TXNDC12: variants seen among roughly 807,000 people sequenced by gnomAD.
The protein encoded by TXNDC12 is thioredoxin domain containing 12, also known as thioredoxin domain-containing protein 12.
Under a neutral mutation model 24.2 loss-of-function variants are expected in TXNDC12, and 22 were observed. The ratio of observed to expected loss-of-function variants is 0.91; its 90% confidence interval spans 0.65 to 1.30. The LOEUF (loss-of-function observed/expected upper bound fraction) is 1.30, where lower values mean the gene tolerates loss of function less well. Ranked by LOEUF, TXNDC12 falls within the 50% of genes most tolerant of loss-of-function variation. The probability of loss-of-function intolerance (pLI) is 0.00; values close to 1 mark genes in which losing one functional copy is unlikely to be tolerated. For synonymous variants in TXNDC12, 58 were observed against 73.4 expected, an observed-to-expected ratio of 0.79 and a Z score of 1.07; for missense variants, 184 against 205.8, an observed-to-expected ratio of 0.89 and a Z score of 0.65.
intron 1 of TXNDC12, chr1:52,052,352 T>C (rs1271476173): frequency 5.4e-5 from 9 of 167,308 alleles, no homozygotes; most frequent in South Asian, 4.1e-4. Flanking sequence ...ATACCTCCCA[T>C]TGGGGGTGAG....
chr1:52,055,475 C>G (rs979038334), upstream of TXNDC12: 11 of 228,772 alleles, frequency 4.8e-5, no homozygotes, highest in African/African-American at 1.1e-4. Flanking sequence ...GCCCCTCCCC[C>G]CAAGAACCGC....
chr1:52,029,597 T>G (rs560003088), intron 2 of TXNDC12, among the ~76,000 whole-genome samples: 1 of 152,340 alleles, frequency 6.6e-6, no homozygotes, highest in Non-Finnish European at 1.5e-5. Flanking sequence ...CATATTGATC[T>G]GTACCTATTA....
rs2124353778 is a variant in TXNDC12 at position 52,020,443 on chromosome 1, C to T, written c.*490G>A. 3.9e-6 allele frequency: 1 copy of T among 256,258 alleles called. No homozygotes were observed. The highest frequency in any genetic ancestry group is 2.2e-5 in the African/African-American group (1 of 45,110). The allele number at this position is 256,258 out of a possible 1,614,324, so 15.9% of individuals were successfully genotyped here. A position where few individuals can be genotyped will look rare whatever the true frequency, so the allele number is the denominator to read the frequency against. On this transcript the variant is annotated 3_prime_UTR_variant, in exon 7 of 7. Coordinates refer to ENST00000371626, the MANE Select transcript of TXNDC12 (RefSeq NM_015913.4). ...AAAAAGGGAAAAAACAGGCTGATATCCTTGGTAGGGGGTAGAATAACTGAT... is the reference window on the plus strand; with the variant it reads ...AAAAAGGGAAAAAACAGGCTGATATTCTTGGTAGGGGGTAGAATAACTGAT...
intron 3 of TXNDC12, 31 bp downstream of exon 3, chr1:52,028,547 T>A (rs1685707007): frequency 6.3e-7 from 1 of 1,585,878 alleles, no homozygotes; most frequent in Non-Finnish European, 8.6e-7. Flanking sequence ...CACATCTGAG[T>A]TTTGAATTTA....
At chr1:52,033,601 C>A in intron 2 of TXNDC12, 2 of 1,613,098 alleles carry the variant, frequency 1.2e-6, no homozygotes, top group Non-Finnish European at 1.7e-6. Flanking sequence ...TGCCTTCTCA[C>A]GGGCAGAATC....
chr1:52,055,229 A>T (rs1686316173), upstream of TXNDC12: 3 of 655,938 alleles, frequency 4.6e-6, no homozygotes, highest in Non-Finnish European at 8.2e-6. Flanking sequence ...CAAACTCTGA[A>T]GGAAGTGATG....
rs553003543 is a variant in TXNDC12, at chr1:52,048,282, T to C, written c.98-6685A>G. Among the ~76,000 whole-genome samples, 224 of 151,900 alleles carry C rather than the reference T, an allele frequency of 1.5e-3. 1 individual carries two copies. Among genetic ancestry groups the C allele is most frequent in the African/African-American group, 1.9e-3 (77 of 41,442 alleles). ...AAGTTCGAGGCCAGTCTGGGCAACATAGAGAAACCTCACCTCTACAAAAAA... is the reference window on the plus strand; with the variant it reads ...AAGTTCGAGGCCAGTCTGGGCAACACAGAGAAACCTCACCTCTACAAAAAA... On this transcript the variant is annotated intron_variant, in intron 1 of 6. Coordinates refer to ENST00000371626, the MANE Select transcript of TXNDC12 (RefSeq NM_015913.4).
intron 1 of TXNDC12, among the ~76,000 whole-genome samples, chr1:52,042,572 T>C (rs975081156): frequency 4.6e-5 from 7 of 152,144 alleles, no homozygotes; most frequent in African/African-American, 1.4e-4. Context: ...GCGATTCTTT[T>C]GCCTCAGCCT....
intron 1 of TXNDC12, among the ~76,000 whole-genome samples, chr1:52,045,277 G>A (rs1686070697): frequency 6.6e-6 from 1 of 152,178 alleles, no homozygotes; most frequent in Admixed American, 6.5e-5. Context: ...TGGAGCTCAG[G>A]ATATTTTTGT....
intron 1 of TXNDC12, among the ~76,000 whole-genome samples, chr1:52,042,788 A>G (rs1459074561): frequency 5.9e-5 from 9 of 152,178 alleles, no homozygotes; most frequent in Non-Finnish European, 1.3e-4. Context: ...AAGCCTGGCT[A>G]ATTCTGTATT....
Position 52,027,274 on chromosome 1 carries a change from C to T in TXNDC12, c.285+1G>A, listed in dbSNP as rs1685684040. 6.2e-7 allele frequency: 1 copy of T among 1,607,370 alleles called. No homozygotes were observed. The highest frequency in any genetic ancestry group is 8.5e-7 in the Non-Finnish European group (1 of 1,174,506). On this transcript the variant is annotated splice_donor_variant, in intron 4 of 6. Coordinates refer to ENST00000371626, the MANE Select transcript of TXNDC12 (RefSeq NM_015913.4). LOFTEE classifies it high-confidence loss of function. Reference sequence around the variant, plus strand: ...GAAAGGAGAAACTCTCAAAGTCTTACCTCAAGATTTACCATAACAAAATTA... The same window carrying T: ...GAAAGGAGAAACTCTCAAAGTCTTATCTCAAGATTTACCATAACAAAATTA...
At position 52,020,450 on chromosome 1, in the gene TXNDC12, AGGG is replaced by A. The variant is rs1685576296; in HGVS notation, c.*480_*482del. The A allele has an allele frequency of 3.9e-6, 1 of 254,208 alleles. No individual in the cohort carries two copies. The highest frequency in any genetic ancestry group is 2.2e-5 in the African/African-American group (1 of 45,012). 15.7% of individuals were successfully genotyped at this position (254,208 alleles called of 1,614,324 possible). A position where few individuals can be genotyped will look rare whatever the true frequency, so the allele number is the denominator to read the frequency against. ...GAAAAAACAGGCTGATATCCTTGGT[AGGG>A]GGTAGAATAACTGATTTACACTTAG... On this transcript the variant is annotated 3_prime_UTR_variant, in exon 7 of 7. Transcript: ENST00000371626.
At chr1:52,045,932 G>A (rs1686082036) in intron 1 of TXNDC12, among the ~76,000 whole-genome samples, 1 of 152,142 alleles carries the variant, frequency 6.6e-6, no homozygotes, top group South Asian at 2.1e-4. Context: ...CACAGTTTGG[G>A]CTGTGGATGG....
chr1:52,031,946 C>A (rs369130106), intron 2 of TXNDC12, among the ~76,000 whole-genome samples: 1 of 152,132 alleles, frequency 6.6e-6, no homozygotes, highest in African/African-American at 2.4e-5. Context: ...AAAACAGTTA[C>A]GGAAATTGTC....
chr1:52,033,054 C>A (rs1557992966), intron 2 of TXNDC12: 1 of 1,594,058 alleles, frequency 6.3e-7, no homozygotes. Flanking sequence ...GCAACGGCTC[C>A]TCTAGGCCCA....
chr1:52,037,528 T>C (rs1685906969), intron 2 of TXNDC12, among the ~76,000 whole-genome samples: 1 of 152,092 alleles, frequency 6.6e-6, no homozygotes, highest in South Asian at 2.1e-4. Flanking sequence ...GACTTTTTAA[T>C]TTGCCTTTGG....
At chr1:52,042,281 G>GA (rs1557996891) in intron 1 of TXNDC12, among the ~76,000 whole-genome samples, 1 of 151,160 alleles carries the variant, frequency 6.6e-6, no homozygotes, top group South Asian at 2.1e-4. Context: ...GTTACTCCAG[G>GA]AAAAAAACAA....
At chr1:52,047,913 A>G (rs1223718076) in intron 1 of TXNDC12, among the ~76,000 whole-genome samples, 1 of 152,192 alleles carries the variant, frequency 6.6e-6, no homozygotes, top group Non-Finnish European at 1.5e-5. Flanking sequence ...AAGAGTTACT[A>G]CTAAAAGAAA....
intron 1 of TXNDC12, among the ~76,000 whole-genome samples, chr1:52,049,704 ATT>A (rs34937659): frequency 2.1e-5 from 3 of 143,718 alleles, no homozygotes; most frequent in Admixed American, 1.4e-4. Context: ...AAGCAATTGC[ATT>A]TTTTTTTTTT....
Sources: gnomAD v4.1 joint callset for allele counts (sites outside exome capture counted in the v4.1 genomes callset) on GRCh38, gnomAD v4.1.1 for gene constraint, MANE v1.5 for transcripts, NCBI Gene and HGNC (gene_info 2026-07-23, HGNC 2026-07-21) for gene names.